Variants in IGSF9B observed in about 807,000 individuals in gnomAD.
The protein encoded by IGSF9B is immunoglobulin superfamily member 9B.
In IGSF9B, 48 loss-of-function variants were observed where a neutral mutation model predicts 143.7. The ratio of observed to expected loss-of-function variants is 0.33; its 90% CI spans 0.26 to 0.42. The LOEUF is 0.42. Among genes scored for constraint, IGSF9B ranks in the 20% least tolerant of loss-of-function variants. The pLI, the probability that IGSF9B is intolerant of heterozygous loss-of-function variation, is 1.00. For missense variants in IGSF9B, 1,706 were observed against 1,980.0 expected (o/e 0.86, Z 2.63); for synonymous variants, 903 against 833.1 (o/e 1.08, Z -1.44).
chr11:133,946,033 T>C, intron 2 of IGSF9B, 28 bp downstream of exon 2: 1 of 1,470,028 alleles, frequency 6.8e-7, no homozygotes. Flanking sequence ...CTGGGGAAGG[T>C]GCGGGAGACC....
At chr11:133,927,421 T>C (rs1220637664) in intron 12 of IGSF9B, among the ~76,000 whole-genome samples, 1 of 152,210 alleles carries the variant, frequency 6.6e-6, no homozygotes, top group Non-Finnish European at 1.5e-5. Flanking sequence ...GAACAAGCTC[T>C]GCCTTGGGAG....
Position 133,906,598 on chromosome 11 carries a change from C to G in IGSF9B, c.*2471G>C, listed in dbSNP as rs973132713. Reference sequence around the variant, plus strand: ...GCACCTGGGTTAGCACGGGGGTGCCCTGGAAGGCACAGCCATGGCCTGAGC... The same window carrying G: ...GCACCTGGGTTAGCACGGGGGTGCCGTGGAAGGCACAGCCATGGCCTGAGC... On this transcript the variant is annotated 3_prime_UTR_variant, in exon 20 of 20. Transcript: ENST00000533871. Among the ~76,000 whole-genome samples the G allele has an allele frequency of 2.0e-4, 31 of 152,348 alleles. No individual in the cohort carries two copies. The highest frequency in any genetic ancestry group is 7.5e-4 in the African/African-American group (31 of 41,580).
At chr11:133,927,213 A>C in intron 12 of IGSF9B, 122 bp from the exon 13 acceptor site, 1 of 780,662 alleles carries the variant, frequency 1.3e-6, no homozygotes, top group Admixed American at 2.6e-5. Flanking sequence ...CCTAGGTTCA[A>C]GGGCAAGAAG....
intron 3 of IGSF9B, among the ~76,000 whole-genome samples, chr11:133,939,375 G>C (rs771452876): frequency 3.3e-5 from 5 of 152,314 alleles, no homozygotes; most frequent in South Asian, 2.1e-4. Flanking sequence ...GTCTCTCTCT[G>C]TGTGTTTACC....
intron 13 of IGSF9B, among the ~76,000 whole-genome samples, chr11:133,926,181 G>A (rs1939622367): frequency 1.3e-5 from 2 of 152,248 alleles, no homozygotes. Flanking sequence ...TATGGGGAAG[G>A]AGGAATAATT....
Position 133,931,945 on chromosome 11 carries a change from GCT to G in IGSF9B, c.1110+124_1110+125del, listed in dbSNP as rs780716076. 1.3e-6 allele frequency: 2 copies of G among 1,482,992 alleles called. No homozygotes were observed. The highest frequency in any genetic ancestry group is 1.8e-6 in the Non-Finnish European group (2 of 1,102,096). The allele number at this position is 1,482,992 out of a possible 1,614,324, so 91.9% of individuals were successfully genotyped here. The stretch of plus-strand genomic sequence containing the variant: ...GCACCCGCAGACCCCTACAGAAGCA[GCT>G]CTCTGTTTGCCCAGGGCTTTTGGAA... On this transcript the variant is annotated intron_variant, in intron 8 of 19. Coordinates refer to ENST00000533871, the MANE Select transcript of IGSF9B (RefSeq NM_001277285.4). The surrounding 1 kb of genome is among the most constrained non-coding windows in gnomAD (Gnocchi z 7.7).
chr11:133,918,919 A>T (rs896856712), intron 18 of IGSF9B: 29 of 456,246 alleles, frequency 6.4e-5, no homozygotes, highest in Admixed American at 1.2e-4. Flanking sequence ...GGAGAGAGAA[A>T]GACTGACTGG....
chr11:133,931,561 G>T lies in IGSF9B; in HGVS notation c.1260C>A (p.Pro420=), dbSNP rs182620767. The T allele has an allele frequency of 2.6e-3, 4,183 of 1,612,688 alleles. 7 individuals carry two copies. Among genetic ancestry groups the T allele is most frequent in the Non-Finnish European group, 3.3e-3 (3,857 of 1,179,272 alleles). ...APARLVLKDP[P]YFTVLPGWEY... ...CCCAGCCTGGTAGCACCGTGAAATA[G>T]GGGGGGTCCTGGGGAGGAAAGCACA... is the stretch of plus-strand genomic sequence containing the variant. Residue 420 remains proline, a synonymous_variant, in exon 10 of 20, where the codon CCC becomes CCA. Coordinates refer to ENST00000533871, the MANE Select transcript of IGSF9B (RefSeq NM_001277285.4). The surrounding 1 kb of genome is among the most constrained non-coding windows in gnomAD (Gnocchi z 7.7).
chr11:133,931,591 C>T lies in IGSF9B; in HGVS notation c.1252-22G>A. ...GGTCCTGGGGAGGAAAGCACAGGCA[C>T]CCTCGTGAGGCCGGGGATCCAGGTG... On this transcript the variant is annotated intron_variant, in intron 9 of 19. Coordinates refer to ENST00000533871, the MANE Select transcript of IGSF9B (RefSeq NM_001277285.4). The surrounding 1 kb of genome is among the most constrained non-coding windows in gnomAD (Gnocchi z 7.7). 2 of 1,611,336 alleles carry T rather than the reference C, an allele frequency of 1.2e-6. No homozygotes were observed. Among genetic ancestry groups the T allele is most frequent in the South Asian group, 1.1e-5 (1 of 90,952 alleles).
chr11:133,919,059 T>G (rs1409172926), intron 18 of IGSF9B: 2 of 487,850 alleles, frequency 4.1e-6, no homozygotes, highest in Non-Finnish European at 8.2e-6. Context: ...GAGAGTGCTC[T>G]CTCAGGCGGG....
At chr11:133,939,782 G>A (rs1300404111) in intron 3 of IGSF9B, among the ~76,000 whole-genome samples, 2 of 151,660 alleles carry the variant, frequency 1.3e-5, no homozygotes, top group South Asian at 2.1e-4. Flanking sequence ...CACACACCTC[G>A]CCCGTCCTCG....
chr11:133,937,548 A>C, intron 4 of IGSF9B, 55 bp from the exon 5 acceptor site: 2 of 1,374,492 alleles, frequency 1.5e-6, no homozygotes, highest in Non-Finnish European at 2.1e-6. Flanking sequence ...CACCGCTGCT[A>C]CCCTCAAACA....
chr11:133,897,118 G>A lies in IGSF9B; in HGVS notation c.*11951C>T, dbSNP rs561814443. Reference sequence around the variant, plus strand: ...GAAGGGCCCCTTATAAATGCTTTGAGTTTGGAGATTTTGAGGGAAAAAAAG... The same window carrying A: ...GAAGGGCCCCTTATAAATGCTTTGAATTTGGAGATTTTGAGGGAAAAAAAG... On this transcript the variant is annotated 3_prime_UTR_variant, in exon 20 of 20. Coordinates refer to ENST00000533871, the MANE Select transcript of IGSF9B (RefSeq NM_001277285.4). 1.3e-5 allele frequency: 2 copies of A among 152,264 alleles called. No individual in the cohort carries two copies. Among genetic ancestry groups the A allele is most frequent in the East Asian group, 1.9e-4 (1 of 5,162 alleles). The allele number at this position is 152,264 out of a possible 1,614,324, so 9.4% of individuals were successfully genotyped here.
Position 133,922,606 on chromosome 11 carries a change from G to A in IGSF9B, c.2244C>T (p.Val748=), listed in dbSNP as rs975380338. 2.5e-6 allele frequency: 4 copies of A among 1,610,408 alleles called. No individual in the cohort carries two copies. Among genetic ancestry groups the A allele is most frequent in the Non-Finnish European group, 3.4e-6 (4 of 1,178,512 alleles). Residue 748 remains valine, a synonymous_variant, in exon 16 of 20, where the codon GTC becomes GTT. Transcript: ENST00000533871. ...ILFSTLAACF[V]NKQRKRKLKR... is the part of the protein sequence containing the mutation. The stretch of plus-strand genomic sequence containing the variant: ...TGAGCTTACGCTTGCGCTGCTTGTT[G>A]ACAAAGCAGGCAGCCAGGGTGCTGA...
At chr11:133,916,303 A>G (rs1189100093) in intron 18 of IGSF9B, among the ~76,000 whole-genome samples, 2 of 152,246 alleles carry the variant, frequency 1.3e-5, no homozygotes, top group Non-Finnish European at 2.9e-5. Flanking sequence ...GGCAGGGGCA[A>G]CAACTACATA....
At chr11:133,930,876 GCC>G in intron 11 of IGSF9B, 106 bp downstream of exon 11, 2 of 1,148,158 alleles carry the variant, frequency 1.7e-6, no homozygotes, top group Non-Finnish European at 2.4e-6. Flanking sequence ...TAGGAAGGGA[GCC>G]CGCAGAGTGC....
chr11:133,902,554 T>TACACACACACCCCCCAC lies in IGSF9B; in HGVS notation c.*6514_*6515insGTGGGGGGTGTGTGTGT, dbSNP rs1555082798. 9.1e-6 allele frequency among the ~76,000 whole-genome samples: 1 copy of TACACACACACCCCCCAC among 110,300 alleles called. No individual in the cohort carries two copies. The highest frequency in any genetic ancestry group is 8.9e-5 in the Admixed American group (1 of 11,290). The allele number at this position is 110,300 out of a possible 152,430, so 72.4% of individuals were successfully genotyped here. A position where few individuals can be genotyped will look rare whatever the true frequency, so the allele number is the denominator to read the frequency against. ...ACACACATATACCACACACACCACA[T>TACACACACACCCCCCAC]ACACACACACACCCCACACACACAC... is the stretch of plus-strand genomic sequence containing the variant. On this transcript the variant is annotated 3_prime_UTR_variant, in exon 20 of 20. Transcript: ENST00000533871.
rs1316867704 is a variant in IGSF9B, at chr11:133,907,351, G to C, written c.*1718C>G. Among the ~76,000 whole-genome samples the C allele has an allele frequency of 6.6e-6, 1 of 152,240 alleles. No individual in the cohort carries two copies. Among genetic ancestry groups the C allele is most frequent in the African/African-American group, 2.4e-5 (1 of 41,456 alleles). On this transcript the variant is annotated 3_prime_UTR_variant, in exon 20 of 20. Coordinates refer to ENST00000533871, the MANE Select transcript of IGSF9B (RefSeq NM_001277285.4). Reference sequence around the variant, plus strand: ...TCATCCTGCGAGGTCACTGGGCCAAGCCCATGGCAGCTGCATGAGACCAGC... The same window carrying C: ...TCATCCTGCGAGGTCACTGGGCCAACCCCATGGCAGCTGCATGAGACCAGC...
chr11:133,923,099 G>A (rs780704567), intron 15 of IGSF9B, among the ~76,000 whole-genome samples: 1 of 152,174 alleles, frequency 6.6e-6, no homozygotes, highest in African/African-American at 2.4e-5. Flanking sequence ...CACACATACT[G>A]TTCTCATTCT....
Sources: gnomAD v4.1 joint callset for allele counts (sites outside exome capture counted in the v4.1 genomes callset) on GRCh38, gnomAD v4.1.1 for gene constraint, Gnocchi (gnomAD v3.1) non-coding constraint, MANE v1.5 for transcripts, NCBI Gene and HGNC (gene_info 2026-07-23, HGNC 2026-07-21) for gene names.